PCDH7: variants seen among roughly 807,000 people sequenced by gnomAD.
PCDH7 encodes protocadherin 7.
In PCDH7, 17 loss-of-function variants were observed where a neutral mutation model predicts 58.9. The observed-to-expected ratio is 0.29, with a 90% CI of 0.20 to 0.43. The LOEUF is 0.43. Ranked by LOEUF, PCDH7 falls within the 20% of genes least tolerant of loss-of-function variation. PCDH7 has a pLI of 1.00. For synonymous variants in PCDH7, 664 were observed against 616.4 expected, an observed-to-expected ratio of 1.08 and a Z score of -1.14; for missense variants, 1,274 against 1,441.0, an observed-to-expected ratio of 0.88 and a Z score of 1.88.
intron 1 of PCDH7, 166 bp downstream of exon 1, chr4:30,724,762 C>T (rs1714371399): frequency 1.4e-6 from 2 of 1,446,350 alleles, no homozygotes; most frequent in South Asian, 3.1e-5. Context: ...AGGCCATCTA[C>T]AAGAGGTATA....
intron 3 of PCDH7, among the ~76,000 whole-genome samples, chr4:31,118,033 T>G (rs1717212891): frequency 6.6e-6 from 1 of 152,216 alleles, no homozygotes; most frequent in Admixed American, 6.5e-5. Context: ...CGTATTCCCT[T>G]TCCTAGATTC....
intron 3 of PCDH7, among the ~76,000 whole-genome samples, chr4:31,073,305 C>A (rs1758706267): frequency 6.6e-6 from 1 of 152,022 alleles, no homozygotes; most frequent in African/African-American, 2.4e-5. Flanking sequence ...CATAAATAAA[C>A]AAAATAGATT....
rs775784458 is a variant in PCDH7, at chr4:30,723,723, G to A, written c.2301G>A (p.Leu767=). Residue 767 remains leucine (L), a synonymous_variant, in exon 1 of 2, where the codon TTG becomes TTA. Coordinates refer to ENST00000361762, the Ensembl canonical transcript of PCDH7. The surrounding 1 kb of genome is among the most constrained non-coding windows in gnomAD (Gnocchi z 4.6). ...TCAGGACAGTAGTAGCTACAGTGTT[G>A]GCAACAGACAGTGATGATGGCATCA... 6.2e-7 allele frequency: 1 copy of A among 1,614,106 alleles called. No individual in the cohort carries two copies. Among genetic ancestry groups the A allele is most frequent in the Non-Finnish European group, 8.5e-7 (1 of 1,180,008 alleles).
At chr4:31,047,642 T>C (rs61794078) in intron 3 of PCDH7, among the ~76,000 whole-genome samples, 5,796 of 152,234 alleles carry the variant, frequency 0.038, 370 homozygotes, top group East Asian at 0.32. Flanking sequence ...GTTGACTGAC[T>C]GATTTCAGAG....
intron 1 of PCDH7, among the ~76,000 whole-genome samples, chr4:30,889,014 C>G (rs1738224477): frequency 6.6e-6 from 1 of 151,674 alleles, no homozygotes; most frequent in South Asian, 2.1e-4. Flanking sequence ...GACCTCATCC[C>G]TACAACAAAT....
intron 3 of PCDH7, among the ~76,000 whole-genome samples, chr4:31,110,143 A>G (rs1009368061): frequency 1.3e-5 from 2 of 152,196 alleles, no homozygotes; most frequent in African/African-American, 4.8e-5. Flanking sequence ...AATGGTAAAT[A>G]CTATTTTTAG....
chr4:31,031,281 A>G (rs1330334856), intron 3 of PCDH7, among the ~76,000 whole-genome samples: 2 of 152,216 alleles, frequency 1.3e-5, no homozygotes, highest in African/African-American at 4.8e-5. Flanking sequence ...AACAACGGGG[A>G]TGCAACTGGC....
At chr4:30,825,112 G>A (rs535323406) in intron 1 of PCDH7, among the ~76,000 whole-genome samples, 207 of 152,094 alleles carry the variant, frequency 1.4e-3, no homozygotes, top group Non-Finnish European at 2.3e-3. Flanking sequence ...TGGAGTAGAA[G>A]ATGTTTCCAA....
intron 1 of PCDH7, among the ~76,000 whole-genome samples, chr4:30,772,771 T>C (rs144158519): frequency 3.2e-3 from 491 of 152,380 alleles, no homozygotes; most frequent in African/African-American, 0.011. Context: ...ATTTTACTTA[T>C]GTCATCCCAT....
intron 1 of PCDH7, among the ~76,000 whole-genome samples, chr4:30,887,587 T>C (rs555664371): frequency 2.6e-4 from 39 of 152,332 alleles, no homozygotes; most frequent in African/African-American, 9.1e-4. Context: ...AATACATTTC[T>C]TCTAATTTTT....
chr4:31,120,120 C>T (rs1230086219), intron 3 of PCDH7, among the ~76,000 whole-genome samples: 2 of 151,968 alleles, frequency 1.3e-5, no homozygotes, highest in Admixed American at 1.3e-4. Context: ...ACTAGCTACC[C>T]GCTGTAACAA....
intron 3 of PCDH7, among the ~76,000 whole-genome samples, chr4:31,055,135 T>G (rs1757046067): frequency 6.6e-6 from 1 of 152,220 alleles, no homozygotes; most frequent in African/African-American, 2.4e-5. Context: ...CAAATGCCTT[T>G]GCTCCTTTTC....
intron 2 of PCDH7, among the ~76,000 whole-genome samples, chr4:30,949,858 A>G (rs1335347771): frequency 2.6e-5 from 4 of 151,586 alleles, no homozygotes; most frequent in Non-Finnish European, 5.9e-5. Flanking sequence ...AAAAATGAGG[A>G]TAAAATGGTG....
chr4:30,799,853 A>G (rs2109305293), intron 1 of PCDH7, among the ~76,000 whole-genome samples: 1 of 151,514 alleles, frequency 6.6e-6, no homozygotes, highest in East Asian at 1.9e-4. Context: ...ATTTATGAAT[A>G]TCACTTTTTT....
intron 3 of PCDH7, among the ~76,000 whole-genome samples, chr4:31,131,086 C>G (rs1351130352): frequency 6.6e-6 from 1 of 152,128 alleles, no homozygotes; most frequent in Non-Finnish European, 1.5e-5. Context: ...CAGAGCAGCT[C>G]CTGCCCCAAC....
At chr4:31,004,490 A>G (rs921427558) in intron 3 of PCDH7, among the ~76,000 whole-genome samples, 2 of 152,086 alleles carry the variant, frequency 1.3e-5, no homozygotes. Context: ...CTGGCAGATC[A>G]CTTAAGGTCA....
intron 3 of PCDH7, among the ~76,000 whole-genome samples, chr4:31,044,538 C>T (rs1439291528): frequency 6.6e-6 from 1 of 151,806 alleles, no homozygotes; most frequent in Non-Finnish European, 1.5e-5. Flanking sequence ...TTTTCTTATG[C>T]TAGGAGGCTA....
At position 30,926,196 on chromosome 4, in the gene PCDH7, T is replaced by C. The variant is rs1019914496; in HGVS notation, c.287+5827T>C. On this transcript the variant is annotated intron_variant, in intron 2 of 3. Transcript: ENST00000509759. ...TTATTATTAACTTTAGGTCGTTTTT[T>C]TTTTTTGAGATGGAGTCTCACTCTG... 1.8e-4 allele frequency among the ~76,000 whole-genome samples: 28 copies of C among 152,254 alleles called. No individual in the cohort carries two copies. The East Asian group carries it at 4.1e-3, about 22-fold the overall frequency.
chr4:30,767,450 G>T (rs1259502397), intron 1 of PCDH7, among the ~76,000 whole-genome samples: 1 of 152,136 alleles, frequency 6.6e-6, no homozygotes, highest in African/African-American at 2.4e-5. Context: ...TTGCCTCTGA[G>T]AAATTAATGA....
Sources: gnomAD v4.1 joint callset for allele counts (sites outside exome capture counted in the v4.1 genomes callset) on GRCh38, gnomAD v4.1.1 for gene constraint, Gnocchi (gnomAD v3.1) non-coding constraint, MANE v1.5 for transcripts, NCBI Gene and HGNC (gene_info 2026-07-23, HGNC 2026-07-21) for gene names.